LTBP1: variants seen among roughly 807,000 people sequenced by gnomAD.
LTBP1 encodes latent-transforming growth factor beta-binding protein 1.
Under a neutral mutation model 207.6 loss-of-function variants are expected in LTBP1, and 129 were observed. That is an observed-to-expected ratio of 0.62 (90% confidence interval 0.54 to 0.72). The LOEUF (loss-of-function observed/expected upper bound fraction) is 0.72. LTBP1 is among the 30% of genes least tolerant of loss of function. LTBP1 has a pLI of 0.00. For synonymous variants in LTBP1, 963 were observed against 833.7 expected (o/e 1.16, Z -2.67); for missense variants, 2,281 against 2,217.2 (o/e 1.03, Z -0.58).
intron 26 of LTBP1, among the ~76,000 whole-genome samples, chr2:33,354,683 TACACAC>T (rs71409608): frequency 0.081 from 11,317 of 139,614 alleles, 668 homozygotes; most frequent in African/African-American, 0.18. Flanking sequence ...ACTAAAACTA[TACACAC>T]ACACACACAC....
intron 20 of LTBP1, among the ~76,000 whole-genome samples, chr2:33,295,885 A>C (rs1440499836): frequency 1.3e-5 from 2 of 152,154 alleles, no homozygotes; most frequent in African/African-American, 4.8e-5. Context: ...GGCAGTAGGG[A>C]ACATGCAGGC....
chr2:33,319,508 A>G (rs1298047334), intron 24 of LTBP1, among the ~76,000 whole-genome samples: 4 of 152,138 alleles, frequency 2.6e-5, no homozygotes, highest in Admixed American at 2.6e-4. Context: ...CTTAATGGTA[A>G]TCAGATTCCT....
intron 3 of LTBP1, among the ~76,000 whole-genome samples, chr2:33,096,187 A>C (rs1368452292): frequency 6.6e-6 from 1 of 152,222 alleles, no homozygotes; most frequent in Non-Finnish European, 1.5e-5. Flanking sequence ...ATCACTTCTC[A>C]TCAGGTACAA....
At chr2:33,341,196 C>T (rs1467427859) in intron 24 of LTBP1, among the ~76,000 whole-genome samples, 3 of 151,882 alleles carry the variant, frequency 2.0e-5, no homozygotes, top group African/African-American at 4.8e-5. Flanking sequence ...GCACAATGGG[C>T]GATGATATGA....
At chr2:33,079,547 AT>A (rs1283678752) in intron 3 of LTBP1, among the ~76,000 whole-genome samples, 1 of 152,204 alleles carries the variant, frequency 6.6e-6, no homozygotes, top group Non-Finnish European at 1.5e-5. Flanking sequence ...AGGCATTTCC[AT>A]TTTTACCATA....
intron 3 of LTBP1, among the ~76,000 whole-genome samples, chr2:33,066,758 A>T (rs888243999): frequency 6.6e-6 from 1 of 152,372 alleles, no homozygotes; most frequent in East Asian, 1.9e-4. Context: ...AAAAAAGAAC[A>T]TTCAGCTGCA....
Position 32,960,885 on chromosome 2 carries a change from T to C in LTBP1, c.565+11940T>C, listed in dbSNP as rs537414483. 9.2e-5 allele frequency among the ~76,000 whole-genome samples: 14 copies of C among 152,222 alleles called. No individual in the cohort carries two copies. In the South Asian group the frequency reaches 2.5e-3, roughly 27 times the overall value. On this transcript the variant is annotated intron_variant, in intron 2 of 33. Coordinates refer to ENST00000404816, the MANE Select transcript of LTBP1 (RefSeq NM_206943.4). ...GGGTTGTCAGTGAGGGCTGCTGTAATAGGTGATATAAGATAGGGTTGGATC... is the reference window on the plus strand; with the variant it reads ...GGGTTGTCAGTGAGGGCTGCTGTAACAGGTGATATAAGATAGGGTTGGATC...
intron 9 of LTBP1, among the ~76,000 whole-genome samples, chr2:33,229,763 G>C (rs2091682325): frequency 1.3e-5 from 2 of 152,116 alleles, no homozygotes; most frequent in South Asian, 4.1e-4. Flanking sequence ...AGATGGTTCT[G>C]CCTTAGTCAA....
At chr2:33,152,490 C>G (rs1208476867) in intron 5 of LTBP1, among the ~76,000 whole-genome samples, 1 of 152,140 alleles carries the variant, frequency 6.6e-6, no homozygotes, top group East Asian at 1.9e-4. Context: ...AGTATAGCCA[C>G]TATAGAAAAC....
intron 8 of LTBP1, 152 bp from the exon 9 acceptor site, chr2:33,221,928 A>G: frequency 2.0e-6 from 1 of 505,164 alleles, no homozygotes; most frequent in African/African-American, 1.9e-5. Context: ...AGAATGGGAA[A>G]AAAATTATGG....
chr2:33,043,645 CA>C (rs2076301804), intron 3 of LTBP1, among the ~76,000 whole-genome samples: 1 of 151,880 alleles, frequency 6.6e-6, no homozygotes, highest in Non-Finnish European at 1.5e-5. Flanking sequence ...AATCTGTAAG[CA>C]ATTGCTCAGA....
At chr2:32,949,712 T>TAAGA (rs1676815404) in intron 2 of LTBP1, among the ~76,000 whole-genome samples, 1 of 152,202 alleles carries the variant, frequency 6.6e-6, no homozygotes, top group African/African-American at 2.4e-5. Context: ...TGAAGCATTC[T>TAAGA]TAGTTGTTCT....
chr2:33,086,781 C>T (rs558843581), intron 3 of LTBP1, among the ~76,000 whole-genome samples: 1 of 152,018 alleles, frequency 6.6e-6, no homozygotes, highest in East Asian at 1.9e-4. Context: ...TTTCTGTTGG[C>T]TCAGTAAAGT....
chr2:33,017,863 A>G (rs943335553), intron 2 of LTBP1, among the ~76,000 whole-genome samples: 3 of 152,006 alleles, frequency 2.0e-5, no homozygotes, highest in South Asian at 2.1e-4. Flanking sequence ...TGATCCGCCC[A>G]CCTCGGCCTC....
At chr2:33,330,168 T>C (rs2094477040) in intron 24 of LTBP1, among the ~76,000 whole-genome samples, 1 of 152,074 alleles carries the variant, frequency 6.6e-6, no homozygotes, top group Admixed American at 6.6e-5. Context: ...ACCCTTATAA[T>C]TGTTTGTTAC....
At chr2:33,211,317 TGAG>T (rs1211685635) in intron 7 of LTBP1, among the ~76,000 whole-genome samples, 1 of 152,168 alleles carries the variant, frequency 6.6e-6, no homozygotes, top group Non-Finnish European at 1.5e-5. Flanking sequence ...AGGCACCAGT[TGAG>T]GAGGATGATT....
intron 7 of LTBP1, among the ~76,000 whole-genome samples, chr2:33,192,281 A>C (rs947644112): frequency 1.4e-4 from 22 of 152,186 alleles, no homozygotes; most frequent in African/African-American, 5.3e-4. Context: ...TGATCAACTC[A>C]GCGTCATTAA....
At chr2:32,948,207 A>C (rs1676564474) in intron 1 of LTBP1, among the ~76,000 whole-genome samples, 1 of 152,176 alleles carries the variant, frequency 6.6e-6, no homozygotes, top group Admixed American at 6.5e-5. Flanking sequence ...CTAGCTAATG[A>C]AAAAAATGTT....
intron 7 of LTBP1, among the ~76,000 whole-genome samples, chr2:33,193,485 G>C (rs1284844127): frequency 6.6e-6 from 1 of 152,150 alleles, no homozygotes; most frequent in African/African-American, 2.4e-5. Context: ...GAAAGTTTTA[G>C]GGGTGAAATT....
Sources: allele counts gnomAD v4.1 joint callset (sites outside exome capture counted in the v4.1 genomes callset), GRCh38; gene constraint gnomAD v4.1.1; transcripts MANE v1.5; gene names NCBI Gene and HGNC (gene_info 2026-07-23, HGNC 2026-07-21).